IL1RAPL2: variants seen among roughly 807,000 people sequenced by gnomAD.
IL1RAPL2 encodes X-linked interleukin-1 receptor accessory protein-like 2.
In IL1RAPL2, 3 loss-of-function variants were observed where a neutral mutation model predicts 44.1. The ratio of observed to expected loss-of-function variants is 0.07; its 90% CI spans 0.03 to 0.18. The LOEUF (loss-of-function observed/expected upper bound fraction) is 0.18, where lower values mean the gene tolerates loss of function less well. Among genes scored for constraint, IL1RAPL2 ranks in the 10% least tolerant of loss-of-function variants. The probability of loss-of-function intolerance (pLI) is 1.00; values close to 1 mark genes in which losing one functional copy is unlikely to be tolerated. For synonymous variants in IL1RAPL2, 181 were observed against 178.8 expected, an observed-to-expected ratio of 1.01 and a Z score of -0.10; for missense variants, 391 against 496.4, an observed-to-expected ratio of 0.79 and a Z score of 2.02.
rs199756067 is a variant in IL1RAPL2 at position 104,964,279 on chromosome X, G to GATTTATTT, written c.83-231163_83-231156dup. 2.5e-3 allele frequency among the ~76,000 whole-genome samples: 256 copies of GATTTATTT among 100,887 alleles called. 2 individuals are homozygous for GATTTATTT. Among genetic ancestry groups the GATTTATTT allele is most frequent in the African/African-American group, 6.2e-3 (170 of 27,535 alleles). The allele number at this position is 100,887 out of a possible 115,157, so 87.6% of individuals were successfully genotyped here. ...TATCATGGTACTACATTGTGCCAGG[G>GATTTATTT]ATTTATTTATTTATTTATTTATTTA... On this transcript the variant is annotated intron_variant, in intron 2 of 10. Coordinates refer to ENST00000372582, the MANE Select transcript of IL1RAPL2 (RefSeq NM_017416.2).
In IL1RAPL2 at chrX:105,239,597, G is replaced by GTTCACATCAAGGAT. The variant is rs2034152673; in HGVS notation, c.543+5593_543+5594insTTCACATCAAGGAT. ...AGGCTGGTTATCCATGTATAAGGCT[G>GTTCACATCAAGGAT]GCCATTTTTTTTTCTGGGGAGAAAC... On this transcript the variant is annotated intron_variant, in intron 4 of 10. Coordinates refer to ENST00000372582, the MANE Select transcript of IL1RAPL2 (RefSeq NM_017416.2). 2.3e-5 allele frequency among the ~76,000 whole-genome samples: 2 copies of GTTCACATCAAGGAT among 87,945 alleles called. 1 individual carries two copies. Among genetic ancestry groups the GTTCACATCAAGGAT allele is most frequent in the African/African-American group, 1.7e-4 (2 of 11,448 alleles). The allele number at this position is 87,945 out of a possible 115,157, so 76.4% of individuals were successfully genotyped here.
At chrX:105,654,379 TC>T (rs752074641) in intron 6 of IL1RAPL2, among the ~76,000 whole-genome samples, 1 of 111,341 alleles carries the variant, frequency 9.0e-6, no homozygotes, top group Non-Finnish European at 1.9e-5. Context: ...TTTTCTTTTA[TC>T]CCCTTTAATC....
At chrX:105,573,453 G>T (rs988384758) in intron 6 of IL1RAPL2, among the ~76,000 whole-genome samples, 2 of 111,485 alleles carry the variant, frequency 1.8e-5, no homozygotes, top group Admixed American at 1.9e-4. Context: ...GTATTGTTAT[G>T]CAGGAAAGAA....
intron 2 of IL1RAPL2, among the ~76,000 whole-genome samples, chrX:105,011,405 C>T (rs1227765697): frequency 9.0e-6 from 1 of 110,688 alleles, no homozygotes; most frequent in African/African-American, 3.3e-5. Context: ...TAAAAACCAC[C>T]CATTTTATTG....
At position 105,163,163 on chromosome X, in the gene IL1RAPL2, G is replaced by A. The variant is rs183764411; in HGVS notation, c.83-32312G>A. Among the ~76,000 whole-genome samples, 576 of 111,435 alleles carry A rather than the reference G, an allele frequency of 5.2e-3. 7 individuals carry two copies. The highest frequency in any genetic ancestry group is 0.018 in the African/African-American group (549 of 30,686). ...TGTCTATGGCTGCTTTCTCACTACC[G>A]TGGTAGAATTGAGTATTTATGGCAC... On this transcript the variant is annotated intron_variant, in intron 2 of 10. Transcript: ENST00000372582.
At chrX:105,210,046 A>C (rs2033795860) in intron 3 of IL1RAPL2, among the ~76,000 whole-genome samples, 1 of 108,903 alleles carries the variant, frequency 9.2e-6, no homozygotes. Flanking sequence ...CCCATCCCCT[A>C]AGTTATTCCT....
At chrX:104,592,843 T>TG (rs1193765552) in intron 1 of IL1RAPL2, among the ~76,000 whole-genome samples, 2 of 111,971 alleles carry the variant, frequency 1.8e-5, no homozygotes, top group Non-Finnish European at 3.8e-5. Context: ...GTGAGAATGC[T>TG]GGGGAAAAGT....
chrX:105,617,309 A>T (rs908671145), intron 6 of IL1RAPL2, among the ~76,000 whole-genome samples: 7 of 110,796 alleles, frequency 6.3e-5, no homozygotes, highest in Non-Finnish European at 1.9e-5. Context: ...GAGCTACTCA[A>T]GATGATACTC....
At chrX:104,996,565 C>T (rs147465385) in intron 2 of IL1RAPL2, among the ~76,000 whole-genome samples, 1,593 of 111,960 alleles carry the variant, frequency 0.014, 29 homozygotes, top group African/African-American at 0.048. Context: ...ACAGTCATGC[C>T]GAAGCCCATT....
chrX:104,669,737 T>C (rs770448254), intron 2 of IL1RAPL2, among the ~76,000 whole-genome samples: 1 of 111,919 alleles, frequency 8.9e-6, no homozygotes. Context: ...TTTCTAGCAA[T>C]CCAGTCTTTA....
intron 1 of IL1RAPL2, among the ~76,000 whole-genome samples, chrX:104,644,605 C>T (rs1440941182): frequency 9.0e-6 from 1 of 110,683 alleles, no homozygotes; most frequent in Non-Finnish European, 1.9e-5. Flanking sequence ...TGTTTTCTTT[C>T]TTTTCGACCA....
chrX:105,219,002 C>T (rs2033901795), intron 3 of IL1RAPL2: 1 of 1,210,822 alleles, frequency 8.3e-7, no homozygotes, highest in South Asian at 1.8e-5. Context: ...TTCCCACAGT[C>T]GAAGCAAGTA....
chrX:105,643,681 G>A (rs1347033794), intron 6 of IL1RAPL2, among the ~76,000 whole-genome samples: 2 of 111,197 alleles, frequency 1.8e-5, no homozygotes, highest in Non-Finnish European at 3.8e-5. Flanking sequence ...TCAGCGGCTG[G>A]GCAAGCTCCT....
intron 6 of IL1RAPL2, among the ~76,000 whole-genome samples, chrX:105,488,259 AC>A (rs767017501): frequency 2.7e-5 from 3 of 112,151 alleles, no homozygotes; most frequent in Non-Finnish European, 5.6e-5. Context: ...ATCAAAAGAA[AC>A]TTGCAACTTC....
At chrX:105,737,195 CAAAG>C (rs751935054) in intron 7 of IL1RAPL2, among the ~76,000 whole-genome samples, 26 of 110,600 alleles carry the variant, frequency 2.4e-4, no homozygotes, top group Admixed American at 3.8e-4. Flanking sequence ...CATTTGAACA[CAAAG>C]AAGGAAACAA....
chrX:105,530,067 T>C (rs1408731739), intron 6 of IL1RAPL2, among the ~76,000 whole-genome samples: 2 of 112,158 alleles, frequency 1.8e-5, no homozygotes, highest in Non-Finnish European at 3.8e-5. Flanking sequence ...CTTTTAATTC[T>C]CTTGGGTATA....
intron 2 of IL1RAPL2, among the ~76,000 whole-genome samples, chrX:105,092,844 A>G (rs2032560302): frequency 9.0e-6 from 1 of 110,536 alleles, no homozygotes; most frequent in African/African-American, 3.3e-5. Context: ...CCATGCTATT[A>G]TTTTCCATTG....
intron 2 of IL1RAPL2, among the ~76,000 whole-genome samples, chrX:104,833,082 C>T (rs984782701): frequency 1.8e-5 from 2 of 111,835 alleles, no homozygotes; most frequent in South Asian, 3.7e-4. Context: ...AATTGTTCAT[C>T]GTCATCTGCA....
At chrX:104,585,322 A>ATATATAATATAT (rs1569487949) in intron 1 of IL1RAPL2, among the ~76,000 whole-genome samples, 1 of 21,005 alleles carries the variant, frequency 4.8e-5, no homozygotes, top group African/African-American at 3.5e-4. Context: ...AATATATATT[A>ATATATAATATAT]TATATAATAT....
Sources: gnomAD v4.1 joint callset for allele counts (sites outside exome capture counted in the v4.1 genomes callset) on GRCh38, gnomAD v4.1.1 for gene constraint, MANE v1.5 for transcripts, NCBI Gene and HGNC (gene_info 2026-07-23, HGNC 2026-07-21) for gene names.